IL22RA2: variants seen among roughly 807,000 people sequenced by gnomAD.
IL22RA2 encodes the protein interleukin 22 receptor subunit alpha 2.
IL22RA2 carries 39 observed loss-of-function variants against 30.7 expected under a neutral mutation model. The ratio of observed to expected loss-of-function variants is 1.27; its 90% confidence interval spans 0.98 to 1.66. The LOEUF is 1.66. Ranked by LOEUF, IL22RA2 falls within the 40% of genes most tolerant of loss-of-function variation. The pLI, the probability that IL22RA2 is intolerant of heterozygous loss-of-function variation, is 0.00. For missense variants in IL22RA2, 315 were observed against 312.7 expected, an observed-to-expected ratio of 1.01 and a Z score of -0.05; for synonymous variants, 103 against 105.0, an observed-to-expected ratio of 0.98 and a Z score of 0.11.
chr6:137,171,476 G>A (rs1404968965), intron 1 of IL22RA2, among the ~76,000 whole-genome samples: 1 of 152,184 alleles, frequency 6.6e-6, no homozygotes, highest in East Asian at 1.9e-4. Context: ...GAGAGGGTTG[G>A]GTGCTGCTGA....
chr6:137,164,019 T>C (rs1778579122), intron 1 of IL22RA2, among the ~76,000 whole-genome samples: 1 of 152,008 alleles, frequency 6.6e-6, no homozygotes, highest in African/African-American at 2.4e-5. Context: ...CTAAGCAGTG[T>C]CCGAACCTCC....
chr6:137,172,872 A>AT (rs936335140), intron 1 of IL22RA2, among the ~76,000 whole-genome samples: 7 of 150,602 alleles, frequency 4.6e-5, no homozygotes, highest in Admixed American at 2.0e-4. Flanking sequence ...TATTATTTTT[A>AT]TTTTTTTTTA....
At chr6:137,162,986 C>T (rs1035325579) in intron 1 of IL22RA2, among the ~76,000 whole-genome samples, 1 of 152,154 alleles carries the variant, frequency 6.6e-6, no homozygotes, top group African/African-American at 2.4e-5. Flanking sequence ...CCACCTTACA[C>T]TCAAGTTAAA....
intron 6 of IL22RA2, among the ~76,000 whole-genome samples, chr6:137,146,316 A>C (rs966153121): frequency 6.6e-6 from 1 of 152,090 alleles, no homozygotes; most frequent in African/African-American, 2.4e-5. Flanking sequence ...ACAGGCATGA[A>C]CCACCCCACC....
chr6:137,157,687 C>T (rs28385770), intron 3 of IL22RA2, among the ~76,000 whole-genome samples: 10,603 of 151,582 alleles, frequency 0.07, 898 homozygotes, highest in African/African-American at 0.2. Context: ...CCTCACCCCC[C>T]CAGAAATATA....
intron 1 of IL22RA2, among the ~76,000 whole-genome samples, chr6:137,162,046 G>T (rs536397368): frequency 2.0e-5 from 3 of 152,292 alleles, no homozygotes; most frequent in South Asian, 2.1e-4. Context: ...AAACACTGAG[G>T]ATGGGCAGAT....
intron 5 of IL22RA2, among the ~76,000 whole-genome samples, chr6:137,148,271 A>T (rs754881763): frequency 6.6e-6 from 1 of 151,448 alleles, no homozygotes; most frequent in Non-Finnish European, 1.5e-5. Context: ...TTGAGACAGG[A>T]TCTCATTATG....
At position 137,154,980 on chromosome 6, in the gene IL22RA2, C is replaced by CT. The variant is rs774236791; in HGVS notation, c.432dup (p.Glu145ArgfsTer42). On this transcript the variant is annotated frameshift_variant, in exon 5 of 7. Coordinates refer to ENST00000296980, the MANE Select transcript of IL22RA2 (RefSeq NM_052962.3). LOFTEE classifies it high-confidence loss of function. ...GTGAACCGCGGCGTCATGCTCCATT[C>CT]TGAGTAGCTCCCAGCCGAGGCCGCC... 1.9e-6 allele frequency: 3 copies of CT among 1,614,146 alleles called. No individual in the cohort carries two copies. Among genetic ancestry groups the CT allele is most frequent in the Non-Finnish European group, 2.5e-6 (3 of 1,179,992 alleles).
At chr6:137,156,724 T>C in intron 4 of IL22RA2, 35 bp downstream of exon 4, 1 of 1,603,430 alleles carries the variant, frequency 6.2e-7, no homozygotes, top group Non-Finnish European at 8.5e-7. Flanking sequence ...ACAGAACACC[T>C]GAGGCTAGGT....
At chr6:137,162,699 T>C (rs558713071) in intron 1 of IL22RA2, among the ~76,000 whole-genome samples, 19 of 152,312 alleles carry the variant, frequency 1.2e-4, no homozygotes, top group Admixed American at 6.5e-4. Flanking sequence ...TGTTCCATAG[T>C]GAACAGGTCT....
At chr6:137,173,330 G>T (rs1056335316) in intron 1 of IL22RA2, 83 bp downstream of exon 1, 3 of 152,230 alleles carry the variant, frequency 2.0e-5, no homozygotes, top group Admixed American at 2.0e-4. Flanking sequence ...CCGAGATCGC[G>T]CCACTGCGCT....
chr6:137,152,855 T>G (rs1457714485), intron 5 of IL22RA2, among the ~76,000 whole-genome samples: 2 of 152,162 alleles, frequency 1.3e-5, no homozygotes, highest in Non-Finnish European at 2.9e-5. Flanking sequence ...AATATGGATC[T>G]CCTCTTACCA....
chr6:137,154,781 G>C (rs549382739), intron 5 of IL22RA2, among the ~76,000 whole-genome samples, 160 bp downstream of exon 5: 5 of 152,272 alleles, frequency 3.3e-5, no homozygotes, highest in African/African-American at 1.2e-4. Flanking sequence ...AGAAAATTAG[G>C]ATAATAAAAG....
At chr6:137,164,851 A>T (rs1778597373) in intron 1 of IL22RA2, among the ~76,000 whole-genome samples, 1 of 152,166 alleles carries the variant, frequency 6.6e-6, no homozygotes, top group South Asian at 2.1e-4. Flanking sequence ...TCTACTACTG[A>T]TCTCTTAAAT....
At chr6:137,164,635 C>T (rs542804393) in intron 1 of IL22RA2, among the ~76,000 whole-genome samples, 1 of 152,328 alleles carries the variant, frequency 6.6e-6, no homozygotes, top group South Asian at 2.1e-4. Context: ...GAAGGAAGCA[C>T]CCCTCAGGCA....
At chr6:137,165,545 G>A (rs1299663206) in intron 1 of IL22RA2, among the ~76,000 whole-genome samples, 1 of 152,184 alleles carries the variant, frequency 6.6e-6, no homozygotes, top group African/African-American at 2.4e-5. Context: ...GTGAGAGGAT[G>A]TGGTCGTGGT....
rs151136571 is a variant in IL22RA2, at chr6:137,164,596, C to T, written c.-65-2782G>A. 5.6e-4 allele frequency among the ~76,000 whole-genome samples: 85 copies of T among 152,342 alleles called. 1 individual carries two copies. In the East Asian group the frequency reaches 0.015, roughly 27 times the overall value. ...CTGGCAAAGCTTAGACAGAAGGCTG[C>T]CCCGGCTGCCTCCGGAGACTCAGAC... On this transcript the variant is annotated intron_variant, in intron 1 of 6. Coordinates refer to ENST00000296980, the MANE Select transcript of IL22RA2 (RefSeq NM_052962.3).
chr6:137,162,274 C>T (rs1362112376), intron 1 of IL22RA2, among the ~76,000 whole-genome samples: 3 of 152,196 alleles, frequency 2.0e-5, no homozygotes, highest in Non-Finnish European at 4.4e-5. Flanking sequence ...CGTTGATTCA[C>T]TCTTTTCCTC....
intron 1 of IL22RA2, among the ~76,000 whole-genome samples, chr6:137,173,048 A>G (rs1047718681): frequency 6.6e-6 from 1 of 152,180 alleles, no homozygotes; most frequent in African/African-American, 2.4e-5. Flanking sequence ...AAAATTGTTC[A>G]TAACAAAGAA....
Sources: allele counts gnomAD v4.1 joint callset (sites outside exome capture counted in the v4.1 genomes callset), GRCh38; gene constraint gnomAD v4.1.1; transcripts MANE v1.5; gene names NCBI Gene and HGNC (gene_info 2026-07-23, HGNC 2026-07-21).